The following KLHL25 variants were observed in gnomAD, a reference collection of about 807,000 sequenced individuals.
KLHL25 encodes kelch-like protein 25.
Under a neutral mutation model 30.0 loss-of-function variants are expected in KLHL25, and 41 were observed. The ratio of observed to expected loss-of-function variants is 1.37; its 90% confidence interval spans 1.07 to 1.78. The LOEUF (loss-of-function observed/expected upper bound fraction) is 1.78. KLHL25 is among the 40% of genes most tolerant of loss of function. The pLI is 0.00. For synonymous variants in KLHL25, 399 were observed against 355.3 expected (o/e 1.12, Z -1.38); for missense variants, 971 against 824.5 (o/e 1.18, Z -2.18).
intron 2 of KLHL25, chr15:85,764,330 G>A (rs1392575639): frequency 6.6e-6 from 1 of 152,484 alleles, no homozygotes; most frequent in Non-Finnish European, 1.5e-5. Context: ...CACGGGATTG[G>A]GGTGGCCTCA....
chr15:85,773,320 G>C (rs935976155), intron 1 of KLHL25, among the ~76,000 whole-genome samples: 3 of 152,198 alleles, frequency 2.0e-5, no homozygotes, highest in African/African-American at 7.2e-5. Context: ...ACTCCACCAT[G>C]ACTGCCAGCC....
At chr15:85,783,998 A>G (rs911202449) in intron 1 of KLHL25, among the ~76,000 whole-genome samples, 2 of 152,250 alleles carry the variant, frequency 1.3e-5, no homozygotes, top group African/African-American at 4.8e-5. Flanking sequence ...GAATACACGT[A>G]AAGAGTGTAG....
At position 85,759,450 on chromosome 15, in the gene KLHL25, G is replaced by A. The variant is rs376927371; in HGVS notation, c.*1586C>T. On this transcript the variant is annotated 3_prime_UTR_variant, in exon 3 of 3. Coordinates refer to ENST00000337975, the MANE Select transcript of KLHL25 (RefSeq NM_022480.4). Reference sequence around the variant, plus strand: ...CTTTATCTCAATGAAGCAACCCCACGGGTCCAGGCACCCTCCCTGCAGTCC... The same window carrying A: ...CTTTATCTCAATGAAGCAACCCCACAGGTCCAGGCACCCTCCCTGCAGTCC... 5.9e-5 allele frequency: 9 copies of A among 152,446 alleles called. No homozygotes were observed. The highest frequency in any genetic ancestry group is 8.8e-5 in the Non-Finnish European group (6 of 68,024). The allele number at this position is 152,446 out of a possible 1,614,324, so 9.4% of individuals were successfully genotyped here.
intron 1 of KLHL25, among the ~76,000 whole-genome samples, chr15:85,787,214 A>T (rs1197253428): frequency 6.6e-6 from 1 of 150,756 alleles, no homozygotes; most frequent in African/African-American, 2.4e-5. Context: ...TGGGAGGCCG[A>T]GGCAGGTGGA....
chr15:85,769,647 C>A lies in KLHL25; in HGVS notation c.164G>T (p.Arg55Leu), dbSNP rs774483590. The A allele has an allele frequency of 1.9e-6, 3 of 1,613,500 alleles. No individual in the cohort carries two copies. Among genetic ancestry groups the A allele is most frequent in the Non-Finnish European group, 2.5e-6 (3 of 1,180,032 alleles). The stretch of plus-strand genomic sequence containing the variant: ...CACGGCACGGTGACAGGGGAAGGCA[C>A]GGTCGCCCGCCCAGAGTGTGACGTC... Reference protein sequence around the residue: ...FTDVTLWAGDRAFPCHRAVLA... With the variant: ...FTDVTLWAGDLAFPCHRAVLA... The change falls in exon 2 of 3, where the codon CGT (arginine) becomes CTT (leucine). Residue 55 changes from arginine (R) to leucine (L), a missense_variant. Arg to Leu is a moderately radical substitution (Grantham distance 102). Coordinates refer to ENST00000337975, the MANE Select transcript of KLHL25 (RefSeq NM_022480.4).
chr15:85,765,937 G>C (rs1358905204), intron 2 of KLHL25, among the ~76,000 whole-genome samples: 2 of 152,162 alleles, frequency 1.3e-5, no homozygotes, highest in African/African-American at 4.8e-5. Context: ...TCACCAACTT[G>C]ATGCTTATGC....
chr15:85,771,115 C>A, intron 1 of KLHL25: 2 of 188,940 alleles, frequency 1.1e-5, no homozygotes, highest in African/African-American at 2.3e-5. Flanking sequence ...TCAAGACCCT[C>A]ACCAGAGTCT....
At position 85,790,929 on chromosome 15, in the gene KLHL25, C is replaced by T. The variant is rs541561909; in HGVS notation, c.-11+3837G>A. On this transcript the variant is annotated intron_variant, in intron 1 of 2. Coordinates refer to ENST00000337975, the MANE Select transcript of KLHL25 (RefSeq NM_022480.4). ...AAAAAAAAAAAAAAAAGGCCAGGTG[C>T]GGTGGCTCACACCTGTAATCCCAGC... Among the ~76,000 whole-genome samples, 11 of 150,436 alleles carry T rather than the reference C, an allele frequency of 7.3e-5. No individual in the cohort carries two copies. The East Asian group carries it at 2.1e-3, about 29-fold the overall frequency.
intron 2 of KLHL25, among the ~76,000 whole-genome samples, chr15:85,767,430 T>A (rs1057247748): frequency 3.3e-5 from 5 of 152,280 alleles, no homozygotes; most frequent in African/African-American, 1.2e-4. Context: ...ATATCATCAC[T>A]CATCAGTGCC....
At chr15:85,769,853 G>A (rs2089659334) in intron 1 of KLHL25, 33 bp from the exon 2 acceptor site, 2 of 1,532,606 alleles carry the variant, frequency 1.3e-6, no homozygotes, top group East Asian at 2.3e-5. Context: ...GGTTAGAGGA[G>A]CCCCTCCTGC....
At chr15:85,779,341 A>C (rs576730013) in intron 1 of KLHL25, among the ~76,000 whole-genome samples, 1 of 152,168 alleles carries the variant, frequency 6.6e-6, no homozygotes, top group Non-Finnish European at 1.5e-5. Context: ...CTAGAACCAC[A>C]CTGCCTGACC....
intron 1 of KLHL25, among the ~76,000 whole-genome samples, chr15:85,783,344 T>G (rs1206636831): frequency 6.6e-6 from 1 of 151,932 alleles, no homozygotes; most frequent in African/African-American, 2.4e-5. Flanking sequence ...TCCACCTGCC[T>G]TGGCCTCCCA....
intron 1 of KLHL25, among the ~76,000 whole-genome samples, chr15:85,783,305 G>C (rs1232183268): frequency 3.3e-5 from 5 of 151,798 alleles, no homozygotes; most frequent in Non-Finnish European, 7.4e-5. Flanking sequence ...TGTTGGCCAG[G>C]CTGGTCTCGA....
chr15:85,782,038 C>T (rs535957191), intron 1 of KLHL25, among the ~76,000 whole-genome samples: 4 of 151,982 alleles, frequency 2.6e-5, no homozygotes, highest in African/African-American at 9.7e-5. Flanking sequence ...CACAGGACCA[C>T]CTCATCCTTC....
At chr15:85,770,394 C>A in intron 1 of KLHL25, 1 of 475,060 alleles carries the variant, frequency 2.1e-6, no homozygotes, top group Non-Finnish European at 4.3e-6. Context: ...TGTGGACGCC[C>A]AAGCAGAGCC....
chr15:85,765,241 A>G (rs933302309), intron 2 of KLHL25, among the ~76,000 whole-genome samples: 5 of 152,176 alleles, frequency 3.3e-5, no homozygotes, highest in African/African-American at 1.2e-4. Context: ...ACAGGGAATT[A>G]ATGAGGAGAT....
At chr15:85,780,116 G>A (rs900798641) in intron 1 of KLHL25, among the ~76,000 whole-genome samples, 1 of 152,198 alleles carries the variant, frequency 6.6e-6, no homozygotes, top group African/African-American at 2.4e-5. Flanking sequence ...GCTTCTACCT[G>A]CCACATGCCA....
chr15:85,783,655 G>C (rs2089759722), intron 1 of KLHL25, among the ~76,000 whole-genome samples: 1 of 148,624 alleles, frequency 6.7e-6, no homozygotes, highest in Non-Finnish European at 1.5e-5. Flanking sequence ...TCGCACCACT[G>C]CACTCCAGCC....
At position 85,768,074 on chromosome 15, in the gene KLHL25, G is replaced by C. The variant is rs752061490; in HGVS notation, c.1737C>G (p.Ala579=). Residue 579 remains alanine, a synonymous_variant, in exon 2 of 3, where the codon GCC becomes GCG. Coordinates refer to ENST00000337975, the MANE Select transcript of KLHL25 (RefSeq NM_022480.4). The part of the protein sequence containing the change: ...TTVPYSLIPT[A]FVSTWKHLPA ...GCAGGTGCTTCCAGGTGCTGACAAA[G>C]GCCGTGGGGATAAGTGAGTAGGGCA... 1 of 1,613,602 alleles carries C rather than the reference G, an allele frequency of 6.2e-7. No individual in the cohort carries two copies. Among genetic ancestry groups the C allele is most frequent in the South Asian group, 1.1e-5 (1 of 91,058 alleles).
Sources: allele counts gnomAD v4.1 joint callset (sites outside exome capture counted in the v4.1 genomes callset), GRCh38; gene constraint gnomAD v4.1.1; transcripts MANE v1.5; gene names NCBI Gene and HGNC (gene_info 2026-07-23, HGNC 2026-07-21).